Variants in SGCD observed in about 807,000 individuals in gnomAD.
SGCD encodes sarcoglycan delta.
Under a neutral mutation model 36.6 loss-of-function variants are expected in SGCD, and 18 were observed. That is an observed-to-expected ratio of 0.49 (90% confidence interval 0.34 to 0.73). The LOEUF is 0.73. Among genes scored for constraint, SGCD ranks in the 30% least tolerant of loss-of-function variants. SGCD has a pLI of 0.01. For synonymous variants in SGCD, 133 were observed against 130.6 expected (o/e 1.02, Z -0.12); for missense variants, 387 against 346.7 (o/e 1.12, Z -0.92).
chr5:155,971,392 C>T (rs1758004042), intron 1 of SGCD, among the ~76,000 whole-genome samples: 1 of 152,114 alleles, frequency 6.6e-6, no homozygotes, highest in African/African-American at 2.4e-5. Flanking sequence ...AGCGACAGCT[C>T]CTACTAAAAT....
chr5:156,766,805 T>C lies in SGCD; in HGVS notation c.*7415T>C, dbSNP rs190403633. On this transcript the variant is annotated 3_prime_UTR_variant, in exon 9 of 9. Transcript: ENST00000337851. ...AACCATAATGCCCTTGTTAAAGCCC[T>C]GCTGTCAACCTGCCTTCACCCAGAG... 9 of 152,166 alleles carry C rather than the reference T, an allele frequency of 5.9e-5. No homozygotes were observed. Among genetic ancestry groups the C allele is most frequent in the African/African-American group, 1.7e-4 (7 of 41,498 alleles). The allele number at this position is 152,166 out of a possible 1,614,324, so 9.4% of individuals were successfully genotyped here. A position where few individuals can be genotyped will look rare whatever the true frequency, so the allele number is the denominator to read the frequency against.
chr5:156,731,685 TA>T (rs1233627410), intron 7 of SGCD, among the ~76,000 whole-genome samples: 1 of 150,798 alleles, frequency 6.6e-6, no homozygotes. Flanking sequence ...ACATGATTTT[TA>T]AAATAGTTCT....
rs555123131 is a variant in SGCD, at chr5:156,312,333, C to T, written c.-43-17201C>T. ...ACCATACTGACATTTATTTTGTGAC[C>T]TTGAATGTCACTTCCTTGAACATAA... On this transcript the variant is annotated intron_variant, in intron 3 of 9. Transcript: ENST00000517913. 3.3e-5 allele frequency among the ~76,000 whole-genome samples: 5 copies of T among 152,276 alleles called. No homozygotes were observed. In the South Asian group the frequency reaches 1.0e-3, roughly 32 times the overall value.
the SGCD span, among the ~76,000 whole-genome samples, chr5:155,770,266 G>T: frequency 6.6e-6 from 1 of 151,944 alleles, no homozygotes; most frequent in African/African-American, 2.4e-5. Flanking sequence ...CAATGATAGG[G>T]TGGGCACAAA....
Position 156,766,097 on chromosome 5 carries a change from G to C in SGCD, c.*6707G>C, listed in dbSNP as rs907359110. 1.3e-5 allele frequency: 2 copies of C among 150,334 alleles called. No individual in the cohort carries two copies. The highest frequency in any genetic ancestry group is 4.9e-5 in the African/African-American group (2 of 40,838). The allele number at this position is 150,334 out of a possible 1,614,324, so 9.3% of individuals were successfully genotyped here. A position where few individuals can be genotyped will look rare whatever the true frequency, so the allele number is the denominator to read the frequency against. On this transcript the variant is annotated 3_prime_UTR_variant, in exon 9 of 9. Coordinates refer to ENST00000337851, the MANE Select transcript of SGCD (RefSeq NM_000337.6). ...TTAGCCTCACATTTAGGAAAAAATTGTAATACTCAGTTATCTGTGTGTGTG... is the reference window on the plus strand; with the variant it reads ...TTAGCCTCACATTTAGGAAAAAATTCTAATACTCAGTTATCTGTGTGTGTG...
chr5:156,587,665 C>A (rs552681140), intron 4 of SGCD, among the ~76,000 whole-genome samples: 1 of 152,214 alleles, frequency 6.6e-6, no homozygotes, highest in South Asian at 2.1e-4. Flanking sequence ...ATTAGACAGC[C>A]CACAATTTTC....
intron 6 of SGCD, among the ~76,000 whole-genome samples, chr5:156,601,776 C>T (rs1452900511): frequency 7.2e-5 from 11 of 152,128 alleles, no homozygotes; most frequent in South Asian, 2.1e-4. Flanking sequence ...CTCCACCTCC[C>T]GGGTTCCGGA....
intron 1 of SGCD, among the ~76,000 whole-genome samples, chr5:155,983,371 C>T (rs142461236): frequency 6.6e-6 from 1 of 152,302 alleles, no homozygotes; most frequent in East Asian, 1.9e-4. Flanking sequence ...ATGATCTCGG[C>T]TCACTGCAAC....
intron 7 of SGCD, among the ~76,000 whole-genome samples, chr5:156,655,524 A>G (rs1025966599): frequency 2.0e-5 from 3 of 152,124 alleles, no homozygotes; most frequent in Admixed American, 2.0e-4. Context: ...AATAATCCAG[A>G]GTTGAGCTCA....
intron 4 of SGCD, among the ~76,000 whole-genome samples, chr5:156,577,681 G>A (rs929937420): frequency 6.6e-6 from 1 of 152,144 alleles, no homozygotes; most frequent in Non-Finnish European, 1.5e-5. Flanking sequence ...TGTAGCAATT[G>A]TGAATGGGAG....
intron 7 of SGCD, among the ~76,000 whole-genome samples, chr5:156,738,132 T>C (rs1581503033): frequency 6.6e-6 from 1 of 152,324 alleles, no homozygotes; most frequent in Middle Eastern, 3.4e-3. Flanking sequence ...CATTAGGTCT[T>C]ATTGGGAAGA....
intron 7 of SGCD, among the ~76,000 whole-genome samples, chr5:156,652,399 G>A (rs1309632124): frequency 6.6e-6 from 1 of 152,072 alleles, no homozygotes; most frequent in African/African-American, 2.4e-5. Context: ...TAAGGCATGA[G>A]GATGGCTTGA....
At chr5:156,126,282 A>G (rs1762170944) in intron 3 of SGCD, among the ~76,000 whole-genome samples, 1 of 152,186 alleles carries the variant, frequency 6.6e-6, no homozygotes, top group Admixed American at 6.5e-5. Flanking sequence ...GATTTTGATT[A>G]CTGAGGTTTT....
chr5:156,745,560 G>A (rs191571303), intron 7 of SGCD, among the ~76,000 whole-genome samples: 103 of 152,206 alleles, frequency 6.8e-4, no homozygotes, highest in African/African-American at 2.4e-3. Context: ...AAATACACTC[G>A]GAAACAAGGC....
At chr5:156,073,393 A>C (rs749659176) in intron 1 of SGCD, among the ~76,000 whole-genome samples, 20 of 152,214 alleles carry the variant, frequency 1.3e-4, no homozygotes, top group Non-Finnish European at 2.5e-4. Context: ...CCTTGCCTCT[A>C]CAAAAATTGG....
intron 1 of SGCD, among the ~76,000 whole-genome samples, chr5:156,044,595 G>A (rs1011244051): frequency 2.0e-5 from 3 of 152,168 alleles, no homozygotes; most frequent in Non-Finnish European, 2.9e-5. Context: ...ATTGTAGTTG[G>A]TTCACTGGGA....
intron 1 of SGCD, among the ~76,000 whole-genome samples, chr5:155,917,035 G>T (rs149602599): frequency 6.6e-6 from 1 of 152,066 alleles, no homozygotes; most frequent in African/African-American, 2.4e-5. Flanking sequence ...TCTGTAGAGC[G>T]TTTCCGAGTC....
intron 1 of SGCD, among the ~76,000 whole-genome samples, chr5:155,969,504 T>C (rs1014618346): frequency 6.6e-6 from 1 of 151,708 alleles, no homozygotes. Flanking sequence ...TGAAAATGAG[T>C]GTGTGTTGAA....
intron 3 of SGCD, among the ~76,000 whole-genome samples, chr5:156,193,046 T>G (rs1461319788): frequency 6.6e-6 from 1 of 151,916 alleles, no homozygotes; most frequent in African/African-American, 2.4e-5. Context: ...TTATTTTAAT[T>G]GTTTTTAACC....
Sources: gnomAD v4.1 joint callset for allele counts (sites outside exome capture counted in the v4.1 genomes callset) on GRCh38, gnomAD v4.1.1 for gene constraint, MANE v1.5 for transcripts, NCBI Gene and HGNC (gene_info 2026-07-23, HGNC 2026-07-21) for gene names.